AGBL4: variants seen among roughly 807,000 people sequenced by gnomAD.
AGBL4 encodes AGBL carboxypeptidase 4, also known as cytosolic carboxypeptidase 6.
In AGBL4, 58 loss-of-function variants were observed where a neutral mutation model predicts 66.4. The ratio of observed to expected loss-of-function variants is 0.87; its 90% CI spans 0.71 to 1.09. The LOEUF is 1.09. Ranked by LOEUF, AGBL4 falls within the 50% of genes least tolerant of loss-of-function variation. The pLI, the probability that AGBL4 is intolerant of heterozygous loss-of-function variation, is 0.00. For synonymous variants in AGBL4, 234 were observed against 222.9 expected (o/e 1.05, Z -0.44); for missense variants, 579 against 631.0 (o/e 0.92, Z 0.88).
chr1:49,055,710 T>C (rs1419121061), intron 4 of AGBL4, among the ~76,000 whole-genome samples: 1 of 152,138 alleles, frequency 6.6e-6, no homozygotes, highest in Non-Finnish European at 1.5e-5. Context: ...AATAATTACT[T>C]TGATTTTAAG....
At chr1:49,447,496 C>T (rs1646185533) in intron 3 of AGBL4, among the ~76,000 whole-genome samples, 1 of 152,088 alleles carries the variant, frequency 6.6e-6, no homozygotes, top group African/African-American at 2.4e-5. Flanking sequence ...TGAATGTAGT[C>T]TTATGATGCC....
In AGBL4 at chr1:49,045,624, T is replaced by A; in HGVS notation, c.554A>T (p.Asn185Ile). Residue 185 changes from asparagine to isoleucine, a missense_variant, in exon 5 of 14, where the codon AAC (asparagine) becomes ATC (isoleucine). By Grantham distance (149) the Asn-to-Ile change is moderately radical (BLOSUM62 -3). Coordinates refer to ENST00000371839, the MANE Select transcript of AGBL4 (RefSeq NM_032785.4). ...CTGCTCCCGAAAGAAGTAATCCATG[T>A]TTCTCTTTTGCAGGCTGTCAAGGTA... ...QHYLDSLQKR[N>I]MDYFFREQLG... 6.2e-7 allele frequency: 1 copy of A among 1,602,864 alleles called. No homozygotes were observed. Among genetic ancestry groups the A allele is most frequent in the Non-Finnish European group, 8.5e-7 (1 of 1,174,304 alleles).
At chr1:50,019,302 T>TCG (rs1293363873) in intron 1 of AGBL4, among the ~76,000 whole-genome samples, 1 of 70,750 alleles carries the variant, frequency 1.4e-5, no homozygotes, top group African/African-American at 5.5e-5. Flanking sequence ...TCTCTCTCTC[T>TCG]CTCTCACACA....
intron 1 of AGBL4, among the ~76,000 whole-genome samples, chr1:49,933,567 A>G (rs1166595629): frequency 6.6e-6 from 1 of 152,150 alleles, no homozygotes; most frequent in Non-Finnish European, 1.5e-5. Context: ...TTTAAAAAAC[A>G]ATATTAAGAA....
intron 4 of AGBL4, among the ~76,000 whole-genome samples, chr1:49,107,579 A>T (rs1266367089): frequency 1.3e-5 from 2 of 152,008 alleles, no homozygotes; most frequent in Non-Finnish European, 2.9e-5. Flanking sequence ...ATCTCCCCAA[A>T]TCTTCAGGAA....
In AGBL4 at chr1:50,007,054, AC is replaced by A. The variant is rs773334598; in HGVS notation, c.34+16708del. 2.0e-5 allele frequency among the ~76,000 whole-genome samples: 3 copies of A among 152,106 alleles called. No homozygotes were observed. In the East Asian group the frequency reaches 5.8e-4, roughly 29 times the overall value. ...AAGACAGTATAAGATATAAATAGAA[AC>A]AAAAAAAATTTTAAAGGGGTGAGAC... On this transcript the variant is annotated intron_variant, in intron 1 of 13. Transcript: ENST00000371839.
At chr1:48,531,232 T>C (rs1340739432), downstream of AGBL4, among the ~76,000 whole-genome samples, 1 of 151,440 alleles carries the variant, frequency 6.6e-6, no homozygotes, top group Non-Finnish European at 1.5e-5. Flanking sequence ...TCTCAAGGAA[T>C]GGGAAATTTT....
At chr1:49,206,988 G>A (rs996310505) in intron 4 of AGBL4, among the ~76,000 whole-genome samples, 7 of 151,934 alleles carry the variant, frequency 4.6e-5, no homozygotes, top group South Asian at 4.2e-4. Flanking sequence ...TGTTTTTTCC[G>A]CTTGATTCCC....
chr1:49,387,815 C>T (rs909499083), intron 3 of AGBL4, among the ~76,000 whole-genome samples: 3 of 152,016 alleles, frequency 2.0e-5, no homozygotes. Flanking sequence ...TAATGCTTTT[C>T]ATAAAGGCTC....
intron 4 of AGBL4, among the ~76,000 whole-genome samples, chr1:49,046,890 A>G (rs891016694): frequency 1.3e-5 from 2 of 152,182 alleles, no homozygotes; most frequent in Non-Finnish European, 2.9e-5. Flanking sequence ...TGTAAGGCTC[A>G]CCTGTAGTGG....
chr1:49,633,137 A>G (rs1201530839), intron 3 of AGBL4, among the ~76,000 whole-genome samples: 1 of 150,152 alleles, frequency 6.7e-6, no homozygotes, highest in Non-Finnish European at 1.5e-5. Context: ...GAAATACCAA[A>G]AACAGATCTA....
intron 3 of AGBL4, among the ~76,000 whole-genome samples, chr1:49,316,921 AC>A (rs1425173126): frequency 2.0e-5 from 3 of 151,926 alleles, no homozygotes; most frequent in Non-Finnish European, 4.4e-5. Flanking sequence ...TTAGAAAAAA[AC>A]ATTTAATGTA....
chr1:48,852,015 CTTTT>C (rs138826187), intron 6 of AGBL4, among the ~76,000 whole-genome samples: 329 of 71,926 alleles, frequency 4.6e-3, no homozygotes, highest in Middle Eastern at 0.027. Flanking sequence ...CAGATACGTA[CTTTT>C]TTTTTTTTTT....
intron 1 of AGBL4, among the ~76,000 whole-genome samples, chr1:50,001,635 G>A (rs1377520928): frequency 1.3e-5 from 2 of 152,036 alleles, no homozygotes; most frequent in African/African-American, 2.4e-5. Context: ...AAATTAAGGA[G>A]AAAATAGGGA....
intron 1 of AGBL4, among the ~76,000 whole-genome samples, chr1:49,934,407 T>C (rs1435576296): frequency 6.6e-6 from 1 of 152,176 alleles, no homozygotes; most frequent in Non-Finnish European, 1.5e-5. Flanking sequence ...AAAAAGAGTC[T>C]TGATAAATTT....
intron 6 of AGBL4, among the ~76,000 whole-genome samples, chr1:48,721,915 A>G (rs1389008209): frequency 6.6e-6 from 1 of 152,196 alleles, no homozygotes; most frequent in East Asian, 1.9e-4. Flanking sequence ...TGTGCACTAT[A>G]TGCCAGGTTT....
chr1:49,816,344 T>C (rs146396732), intron 2 of AGBL4, among the ~76,000 whole-genome samples: 7 of 152,240 alleles, frequency 4.6e-5, no homozygotes, highest in East Asian at 1.9e-4. Context: ...CCAAAAAGCA[T>C]AGGATGCTCA....
At chr1:50,010,089 C>T (rs950643683) in intron 1 of AGBL4, among the ~76,000 whole-genome samples, 5 of 151,976 alleles carry the variant, frequency 3.3e-5, no homozygotes, top group African/African-American at 7.2e-5. Flanking sequence ...GGGTGGATCA[C>T]GAGGTCAGGA....
chr1:49,336,867 G>GA (rs1483158396), intron 3 of AGBL4, among the ~76,000 whole-genome samples: 4 of 152,050 alleles, frequency 2.6e-5, no homozygotes, highest in Admixed American at 2.0e-4. Context: ...CTTGCAAAAT[G>GA]AAAAAAATCT....
Sources: gnomAD v4.1 joint callset for allele counts (sites outside exome capture counted in the v4.1 genomes callset) on GRCh38, gnomAD v4.1.1 for gene constraint, MANE v1.5 for transcripts, NCBI Gene and HGNC (gene_info 2026-07-23, HGNC 2026-07-21) for gene names.